Variants in AFF2 observed in about 807,000 individuals in gnomAD.
AFF2 encodes AF4/FMR2 family member 2.
In AFF2, 14 loss-of-function variants were observed where a neutral mutation model predicts 76.9. The observed-to-expected ratio is 0.18, with a 90% CI of 0.12 to 0.28. AFF2 has a LOEUF of 0.28. Ranked by LOEUF, AFF2 falls within the 10% of genes least tolerant of loss-of-function variation. AFF2 has a pLI of 1.00. For synonymous variants in AFF2, 398 were observed against 366.7 expected (o/e 1.09, Z -0.98); for missense variants, 868 against 1,001.1 (o/e 0.87, Z 1.79).
In AFF2 at chrX:148,582,395, A is replaced by G. The variant is rs782644501; in HGVS notation, c.48-69604A>G. 2.7e-5 allele frequency among the ~76,000 whole-genome samples: 3 copies of G among 111,743 alleles called. No individual in the cohort carries two copies. The East Asian group carries it at 8.4e-4, about 31-fold the overall frequency. On this transcript the variant is annotated intron_variant, in intron 1 of 20. Coordinates refer to ENST00000370460, the MANE Select transcript of AFF2 (RefSeq NM_002025.4). Reference sequence around the variant, plus strand: ...CTGCTCATCAAAATTTTACCCACAAACTAATTAAAAAATAAGAAGGACATA... The same window carrying G: ...CTGCTCATCAAAATTTTACCCACAAGCTAATTAAAAAATAAGAAGGACATA...
chrX:148,802,609 T>G (rs1418979047), intron 3 of AFF2, among the ~76,000 whole-genome samples: 1 of 112,025 alleles, frequency 8.9e-6, no homozygotes, highest in Non-Finnish European at 1.9e-5. Flanking sequence ...CTGTTTAGGC[T>G]GCAGGCTGGC....
chrX:148,509,894 A>T (rs2052463898), intron 1 of AFF2, among the ~76,000 whole-genome samples: 1 of 110,647 alleles, frequency 9.0e-6, no homozygotes, highest in Admixed American at 9.6e-5. Context: ...TCAAATCTCA[A>T]CTCTATCTCT....
At chrX:148,881,983 C>A (rs1488497969) in intron 7 of AFF2, among the ~76,000 whole-genome samples, 1 of 111,360 alleles carries the variant, frequency 9.0e-6, no homozygotes, top group Non-Finnish European at 1.9e-5. Context: ...GAACTCAGGT[C>A]TGTTTGGCTC....
chrX:148,725,607 G>C (rs2055146850), intron 3 of AFF2, among the ~76,000 whole-genome samples: 1 of 111,665 alleles, frequency 9.0e-6, no homozygotes, highest in African/African-American at 3.3e-5. Flanking sequence ...GTCCGTCTTT[G>C]ATAAACTTTC....
intron 3 of AFF2, among the ~76,000 whole-genome samples, chrX:148,701,074 T>C (rs2054792722): frequency 9.4e-6 from 1 of 106,598 alleles, no homozygotes. Flanking sequence ...TGTGCACATG[T>C]GCCCACACCA....
chrX:148,581,162 CACACAT>C lies in AFF2; in HGVS notation c.48-70833_48-70828del, dbSNP rs1272557092. On this transcript the variant is annotated intron_variant, in intron 1 of 20. Transcript: ENST00000370460. ...ATACACACATATACATATACGTATA[CACACAT>C]ACATATACGTATACACACATATACA... is the stretch of plus-strand genomic sequence containing the variant. Among the ~76,000 whole-genome samples, 3 of 28,887 alleles carry C rather than the reference CACACAT, an allele frequency of 1.0e-4. No homozygotes were observed. In the South Asian group the frequency reaches 6.8e-3, roughly 66 times the overall value. 25.1% of individuals were successfully genotyped at this position (28,887 alleles called of 115,157 possible).
intron 7 of AFF2, among the ~76,000 whole-genome samples, chrX:148,853,232 A>G (rs1217567809): frequency 9.0e-6 from 1 of 111,588 alleles, no homozygotes; most frequent in Non-Finnish European, 1.9e-5. Context: ...TTGTTATATA[A>G]CACATAATAT....
chrX:148,694,180 G>A (rs7883760), intron 3 of AFF2, among the ~76,000 whole-genome samples: 1,465 of 103,018 alleles, frequency 0.014, 38 homozygotes, highest in African/African-American at 0.048. Flanking sequence ...GGGGTCGGGG[G>A]GGGGGAGGGA....
At chrX:148,743,413 T>C (rs1159490869) in intron 3 of AFF2, among the ~76,000 whole-genome samples, 1 of 112,204 alleles carries the variant, frequency 8.9e-6, no homozygotes, top group South Asian at 3.7e-4. Flanking sequence ...AAATATAGCA[T>C]AGGAGCTTCT....
intron 3 of AFF2, among the ~76,000 whole-genome samples, chrX:148,689,680 G>A (rs1272641640): frequency 9.0e-6 from 1 of 111,704 alleles, no homozygotes; most frequent in African/African-American, 3.3e-5. Flanking sequence ...CAGATCTGAG[G>A]GCTTTTCCTT....
At chrX:148,553,548 G>A (rs1452089130) in intron 1 of AFF2, among the ~76,000 whole-genome samples, 1 of 111,458 alleles carries the variant, frequency 9.0e-6, no homozygotes, top group Non-Finnish European at 1.9e-5. Flanking sequence ...CTCTGAAAGG[G>A]GTATAAAGTG....
chrX:148,832,329 C>G (rs782135029), intron 4 of AFF2, among the ~76,000 whole-genome samples: 1 of 112,053 alleles, frequency 8.9e-6, no homozygotes, highest in Non-Finnish European at 1.9e-5. Flanking sequence ...AACTTGAACC[C>G]GATTTTGCAG....
At chrX:148,501,255 C>T in intron 1 of AFF2, 111 bp downstream of exon 1, 2 of 984,602 alleles carry the variant, frequency 2.0e-6, no homozygotes, top group Non-Finnish European at 2.8e-6. Flanking sequence ...GCCCCGGACT[C>T]CCTCCCACTT....
intron 1 of AFF2, among the ~76,000 whole-genome samples, chrX:148,647,924 C>T (rs1270799288): frequency 9.0e-6 from 1 of 111,570 alleles, no homozygotes; most frequent in Non-Finnish European, 1.9e-5. Context: ...CTAATGAAGA[C>T]GGCATAATTG....
At chrX:148,684,068 T>A (rs868906570) in intron 3 of AFF2, among the ~76,000 whole-genome samples, 1 of 111,696 alleles carries the variant, frequency 9.0e-6, no homozygotes, top group Admixed American at 9.5e-5. Flanking sequence ...ATGAATTAGA[T>A]CTATGTACAA....
intron 1 of AFF2, among the ~76,000 whole-genome samples, chrX:148,640,489 A>G (rs782658782): frequency 4.0e-4 from 45 of 112,087 alleles, no homozygotes; most frequent in African/African-American, 1.4e-3. Flanking sequence ...TTACACATCA[A>G]TTACCCACCT....
intron 1 of AFF2, among the ~76,000 whole-genome samples, chrX:148,626,060 T>G (rs2053922438): frequency 8.9e-6 from 1 of 112,357 alleles, no homozygotes; most frequent in Admixed American, 9.4e-5. Context: ...ACTTTTTAAT[T>G]TCTAAGGAAA....
At chrX:148,877,056 G>T (rs917638392) in intron 7 of AFF2, among the ~76,000 whole-genome samples, 3 of 111,789 alleles carry the variant, frequency 2.7e-5, no homozygotes, top group Non-Finnish European at 5.6e-5. Context: ...CCTATAACTT[G>T]GTCTTCAGTC....
At chrX:148,709,571 A>T (rs1478791766) in intron 3 of AFF2, among the ~76,000 whole-genome samples, 1 of 112,392 alleles carries the variant, frequency 8.9e-6, no homozygotes, top group African/African-American at 3.2e-5. Context: ...TGTATGATAC[A>T]TTGTAATCAC....
Sources: gnomAD v4.1 joint callset for allele counts (sites outside exome capture counted in the v4.1 genomes callset) on GRCh38, gnomAD v4.1.1 for gene constraint, MANE v1.5 for transcripts, NCBI Gene and HGNC (gene_info 2026-07-23, HGNC 2026-07-21) for gene names.